Variants in CCDC60 observed in about 807,000 individuals in gnomAD.
The protein encoded by CCDC60 is coiled-coil domain containing 60.
In CCDC60, 54 loss-of-function variants were observed where a neutral mutation model predicts 63.5. The ratio of observed to expected loss-of-function variants is 0.85; its 90% CI spans 0.68 to 1.07. The LOEUF is 1.07. Ranked by LOEUF, CCDC60 falls within the 50% of genes least tolerant of loss-of-function variation. CCDC60 has a pLI of 0.00. For synonymous variants in CCDC60, 206 were observed against 238.8 expected (o/e 0.86, Z 1.27); for missense variants, 651 against 684.3 (o/e 0.95, Z 0.54).
At chr12:119,421,045 C>T (rs189924434) in intron 1 of CCDC60, among the ~76,000 whole-genome samples, 214 of 152,136 alleles carry the variant, frequency 1.4e-3, no homozygotes, top group Middle Eastern at 6.8e-3. Flanking sequence ...CTCCCTTCCC[C>T]GCTCACCCCT....
chr12:119,538,658 T>G (rs1276646016), intron 13 of CCDC60, among the ~76,000 whole-genome samples: 9 of 152,220 alleles, frequency 5.9e-5, no homozygotes, highest in Non-Finnish European at 1.3e-4. Flanking sequence ...CAGAGGAGTT[T>G]GTTATCATCC....
At chr12:119,402,767 A>T (rs1565989193) in intron 1 of CCDC60, among the ~76,000 whole-genome samples, 1 of 152,196 alleles carries the variant, frequency 6.6e-6, no homozygotes, top group Non-Finnish European at 1.5e-5. Context: ...TTTAAATGAA[A>T]GATCTCCCAT....
intron 2 of CCDC60, among the ~76,000 whole-genome samples, chr12:119,435,865 G>T (rs1010195954): frequency 6.6e-5 from 10 of 152,204 alleles, no homozygotes; most frequent in African/African-American, 2.4e-4. Flanking sequence ...ATCAGCTGAG[G>T]ATCAGGGAGG....
chr12:119,433,647 T>G (rs1487541667), intron 2 of CCDC60: 1 of 696,422 alleles, frequency 1.4e-6, no homozygotes, highest in Non-Finnish European at 2.6e-6. Flanking sequence ...TGATGTTGAC[T>G]TTTCCATCCA....
intron 1 of CCDC60, among the ~76,000 whole-genome samples, chr12:119,399,238 C>T (rs1009220958): frequency 6.6e-6 from 1 of 152,168 alleles, no homozygotes; most frequent in Non-Finnish European, 1.5e-5. Context: ...GGATGACAGA[C>T]TGGGGTCACC....
rs202160193 is a variant in CCDC60, at chr12:119,518,725, T to TGGTGGTGGGGAC, written c.969-1392_969-1381dup. On this transcript the variant is annotated intron_variant, in intron 8 of 13. Coordinates refer to ENST00000327554, the MANE Select transcript of CCDC60 (RefSeq NM_178499.5). ...ATGGCAGTGAGGTTGGTGGTGGGGA[T>TGGTGGTGGGGAC]GGTGGTGGGGACGGTTGTTACTTTT... is the stretch of plus-strand genomic sequence containing the variant. 4.9e-3 allele frequency among the ~76,000 whole-genome samples: 738 copies of TGGTGGTGGGGAC among 152,086 alleles called. 5 individuals are homozygous for TGGTGGTGGGGAC. The highest frequency in any genetic ancestry group is 0.017 in the African/African-American group (690 of 41,488).
intron 1 of CCDC60, among the ~76,000 whole-genome samples, chr12:119,404,570 G>T (rs959068775): frequency 6.6e-6 from 1 of 152,194 alleles, no homozygotes; most frequent in Non-Finnish European, 1.5e-5. Flanking sequence ...GGACAGTGAG[G>T]ATGATTTATT....
At chr12:119,419,050 A>C (rs1318172369) in intron 1 of CCDC60, among the ~76,000 whole-genome samples, 1 of 152,204 alleles carries the variant, frequency 6.6e-6, no homozygotes, top group Non-Finnish European at 1.5e-5. Flanking sequence ...ATCAGTGGGC[A>C]CTGGCCATTT....
At chr12:119,356,889 TA>T (rs1339610916) in intron 1 of CCDC60, among the ~76,000 whole-genome samples, 2 of 152,212 alleles carry the variant, frequency 1.3e-5, no homozygotes, top group African/African-American at 4.8e-5. Flanking sequence ...CCAAATGCTT[TA>T]AAAAACAATT....
chr12:119,436,641 C>T (rs571567320), intron 2 of CCDC60, among the ~76,000 whole-genome samples: 2 of 151,500 alleles, frequency 1.3e-5, no homozygotes, highest in Non-Finnish European at 2.9e-5. Context: ...CGGGTTCAAG[C>T]GATTCTCCTG....
At chr12:119,373,602 T>G (rs964835208) in intron 1 of CCDC60, among the ~76,000 whole-genome samples, 2 of 144,912 alleles carry the variant, frequency 1.4e-5, no homozygotes, top group Non-Finnish European at 3.0e-5. Flanking sequence ...TGAAAGTTTA[T>G]GCTTTAGTTT....
At chr12:119,433,623 A>G (rs1241055726) in intron 2 of CCDC60, 2 of 700,610 alleles carry the variant, frequency 2.9e-6, no homozygotes, top group Non-Finnish European at 5.2e-6. Flanking sequence ...AATGAGGCGA[A>G]TTGTTAACAA....
chr12:119,353,787 G>C (rs1033166354), intron 1 of CCDC60, among the ~76,000 whole-genome samples: 1 of 151,882 alleles, frequency 6.6e-6, no homozygotes, highest in African/African-American at 2.4e-5. Flanking sequence ...AGAAAAAGGG[G>C]TGTGGCTGGG....
intron 3 of CCDC60, among the ~76,000 whole-genome samples, chr12:119,474,075 C>G (rs1047873742): frequency 1.3e-5 from 2 of 152,190 alleles, no homozygotes; most frequent in Non-Finnish European, 2.9e-5. Flanking sequence ...TACTAGTTTA[C>G]ATTCCCGAAA....
chr12:119,506,990 C>T (rs1178105237), intron 7 of CCDC60, among the ~76,000 whole-genome samples: 1 of 152,152 alleles, frequency 6.6e-6, no homozygotes, highest in African/African-American at 2.4e-5. Context: ...ATGCACGGGA[C>T]ATCTTCCTGC....
chr12:119,514,471 G>A (rs1351134862), intron 7 of CCDC60, among the ~76,000 whole-genome samples: 1 of 151,622 alleles, frequency 6.6e-6, no homozygotes, highest in African/African-American at 2.4e-5. Flanking sequence ...TTACAGGCAT[G>A]AGCCACCGCA....
At chr12:119,508,447 C>T (rs1285206683) in intron 7 of CCDC60, among the ~76,000 whole-genome samples, 1 of 151,818 alleles carries the variant, frequency 6.6e-6, no homozygotes, top group East Asian at 1.9e-4. Context: ...CACCACTGCA[C>T]TCCAGCCTGG....
rs147271940 is a variant in CCDC60, at chr12:119,486,077, G to T, written c.450-2682G>T. 3.1e-3 allele frequency among the ~76,000 whole-genome samples: 474 copies of T among 152,258 alleles called. 2 individuals are homozygous for T. Among genetic ancestry groups the T allele is most frequent in the Non-Finnish European group, 4.9e-3 (336 of 68,004 alleles). On this transcript the variant is annotated intron_variant, in intron 4 of 13. Transcript: ENST00000327554. ...TCCCCCGGCCTCTCACAACCTCCTA[G>T]GGTTATGGGGAGGGTATAGTGAGGT...
At chr12:119,497,864 A>G (rs1951750322) in intron 5 of CCDC60, among the ~76,000 whole-genome samples, 1 of 152,182 alleles carries the variant, frequency 6.6e-6, no homozygotes, top group Non-Finnish European at 1.5e-5. Context: ...TTCTGGCTGG[A>G]TTTTAAATAT....
Sources: gnomAD v4.1 joint callset for allele counts (sites outside exome capture counted in the v4.1 genomes callset) on GRCh38, gnomAD v4.1.1 for gene constraint, MANE v1.5 for transcripts, NCBI Gene and HGNC (gene_info 2026-07-23, HGNC 2026-07-21) for gene names.